RARB: variants seen among roughly 807,000 people sequenced by gnomAD.
RARB encodes the protein HBV-activated protein.
In RARB, 17 loss-of-function variants were observed where a neutral mutation model predicts 51.9. The observed-to-expected ratio is 0.33, with a 90% CI of 0.22 to 0.49. RARB has a LOEUF of 0.49. RARB is among the 20% of genes least tolerant of loss of function. The pLI is 0.99. For synonymous variants in RARB, 215 were observed against 195.4 expected (o/e 1.10, Z -0.84); for missense variants, 369 against 550.8 (o/e 0.67, Z 3.30).
intron 4 of RARB, among the ~76,000 whole-genome samples, chr3:25,137,936 A>T (rs1158762121): frequency 2.0e-5 from 3 of 152,154 alleles, no homozygotes; most frequent in African/African-American, 7.2e-5. Flanking sequence ...AGCTCTCTGA[A>T]ATAGCCATTG....
chr3:24,888,942 T>TA (rs1355247922), intron 2 of RARB, among the ~76,000 whole-genome samples: 2 of 152,218 alleles, frequency 1.3e-5, no homozygotes, highest in Non-Finnish European at 2.9e-5. Flanking sequence ...GGATCTTATT[T>TA]AACTGGAAAA....
intron 5 of RARB, among the ~76,000 whole-genome samples, chr3:25,586,653 G>A (rs1006162524): frequency 6.6e-6 from 1 of 152,178 alleles, no homozygotes; most frequent in African/African-American, 2.4e-5. Flanking sequence ...TTCTGGTGAC[G>A]CAAAAGTGAC....
intron 2 of RARB, among the ~76,000 whole-genome samples, chr3:25,493,494 G>T (rs1297020739): frequency 6.6e-6 from 1 of 152,186 alleles, no homozygotes; most frequent in East Asian, 1.9e-4. Flanking sequence ...GCTGGCCTGG[G>T]GTCACACTGC....
At chr3:24,925,372 G>A (rs1474819825) in intron 2 of RARB, among the ~76,000 whole-genome samples, 1 of 152,046 alleles carries the variant, frequency 6.6e-6, no homozygotes. Context: ...GCCTGGCATG[G>A]TGGCTCAAGC....
At chr3:24,840,489 T>C (rs568762109) in intron 1 of RARB, among the ~76,000 whole-genome samples, 3 of 152,278 alleles carry the variant, frequency 2.0e-5, no homozygotes, top group African/African-American at 7.2e-5. Context: ...TTGGACTTGA[T>C]GCCTAAGGAC....
At chr3:25,174,312 G>C in exon 5 of RARB, 2 of 1,170,858 alleles carry the variant, frequency 1.7e-6, no homozygotes, top group Non-Finnish European at 2.3e-6. Context: ...AACTCCTGCA[G>C]TGCATTTGCC....
intron 2 of RARB, among the ~76,000 whole-genome samples, chr3:24,958,321 A>C (rs1696068224): frequency 7.5e-6 from 1 of 133,236 alleles, no homozygotes. Flanking sequence ...GAACTTTAGA[A>C]CTAATAGTTT....
At chr3:24,950,725 A>AG (rs1559408448) in intron 2 of RARB, among the ~76,000 whole-genome samples, 1,175 of 111,760 alleles carry the variant, frequency 0.011, 15 homozygotes, top group African/African-American at 0.049. Flanking sequence ...AAAAAAAAAA[A>AG]AAGGTGATTT....
At chr3:25,179,536 A>T (rs1457343102) in intron 5 of RARB, among the ~76,000 whole-genome samples, 1 of 152,218 alleles carries the variant, frequency 6.6e-6, no homozygotes, top group Non-Finnish European at 1.5e-5. Flanking sequence ...GTATCCTTAC[A>T]TTGTTAAACC....
At chr3:25,190,763 G>A (rs923792565) in intron 5 of RARB, among the ~76,000 whole-genome samples, 2 of 152,020 alleles carry the variant, frequency 1.3e-5, no homozygotes, top group Non-Finnish European at 2.9e-5. Context: ...GGCTACTTAT[G>A]TCGCGTGCTG....
intron 2 of RARB, among the ~76,000 whole-genome samples, chr3:24,868,744 C>T (rs150497133): frequency 1.3e-5 from 2 of 152,192 alleles, no homozygotes; most frequent in African/African-American, 4.8e-5. Context: ...TCTCCACAAC[C>T]CGTTATCTTA....
At chr3:25,202,051 A>G (rs1701406308) in intron 5 of RARB, among the ~76,000 whole-genome samples, 3 of 152,098 alleles carry the variant, frequency 2.0e-5, no homozygotes, top group South Asian at 2.1e-4. Flanking sequence ...TCAGCTGTGA[A>G]TCTGTCTGGT....
chr3:25,361,300 A>G lies in RARB; in HGVS notation c.179-99893A>G, dbSNP rs147083644. On this transcript the variant is annotated intron_variant, in intron 5 of 11. Transcript: ENST00000383772. ...ATTGATACTTGTGTATGCTTCACAA[A>G]GTTCTTGTGCTATGTTTTTCAGCTC... 6.9e-3 allele frequency among the ~76,000 whole-genome samples: 1,050 copies of G among 152,244 alleles called. 13 individuals carry two copies. Among genetic ancestry groups the G allele is most frequent in the African/African-American group, 0.024 (1,000 of 41,532 alleles).
intron 5 of RARB, among the ~76,000 whole-genome samples, chr3:25,312,886 T>A (rs1004913531): frequency 9.9e-5 from 15 of 152,158 alleles, no homozygotes; most frequent in African/African-American, 2.9e-4. Flanking sequence ...TTGCCGCCAG[T>A]CCTGGTGACC....
At chr3:25,200,409 G>A (rs1165477710) in intron 5 of RARB, among the ~76,000 whole-genome samples, 1 of 151,926 alleles carries the variant, frequency 6.6e-6, no homozygotes, top group Non-Finnish European at 1.5e-5. Flanking sequence ...TCACTCTGAT[G>A]GTAGTTTCTT....
At chr3:25,297,399 ATTCTTTTTT>A (rs1283521455) in intron 5 of RARB, among the ~76,000 whole-genome samples, 7 of 61,212 alleles carry the variant, frequency 1.1e-4, no homozygotes, top group Non-Finnish European at 1.9e-4. Context: ...CTCAGAAGGT[ATTCTTTTTT>A]TTTTTTTTTT....
intron 4 of RARB, among the ~76,000 whole-genome samples, chr3:25,149,526 G>C (rs1010585338): frequency 6.6e-6 from 1 of 152,222 alleles, no homozygotes; most frequent in East Asian, 1.9e-4. Flanking sequence ...TGGGAAAAGA[G>C]GCTAACTGAG....
At chr3:25,364,565 G>A (rs185312687) in intron 5 of RARB, among the ~76,000 whole-genome samples, 1 of 152,230 alleles carries the variant, frequency 6.6e-6, no homozygotes, top group Non-Finnish European at 1.5e-5. Context: ...AGGCTGGAAT[G>A]TGCAGTATGG....
intron 2 of RARB, among the ~76,000 whole-genome samples, chr3:25,477,696 A>G (rs1431113976): frequency 6.6e-6 from 1 of 152,208 alleles, no homozygotes; most frequent in Non-Finnish European, 1.5e-5. Context: ...TATGAGGTAA[A>G]TATTGTATAT....
Sources: allele counts gnomAD v4.1 joint callset (sites outside exome capture counted in the v4.1 genomes callset), GRCh38; gene constraint gnomAD v4.1.1; transcripts MANE v1.5; gene names NCBI Gene and HGNC (gene_info 2026-07-23, HGNC 2026-07-21).